MICAL3: variants seen among roughly 807,000 people sequenced by gnomAD.
MICAL3 encodes microtubule associated monooxygenase, calponin and LIM domain containing 3.
MICAL3 carries 62 observed loss-of-function variants against 207.4 expected under a neutral mutation model. That is an observed-to-expected ratio of 0.30 (90% CI 0.24 to 0.37). The LOEUF (loss-of-function observed/expected upper bound fraction) is 0.37. Among genes scored for constraint, MICAL3 ranks in the 10% least tolerant of loss-of-function variants. The pLI is 1.00. For missense variants in MICAL3, 2,368 were observed against 2,635.6 expected (o/e 0.90, Z 2.22); for synonymous variants, 1,077 against 1,069.3 (o/e 1.01, Z -0.14).
chr22:17,894,522 C>T (rs534631417), intron 10 of MICAL3, among the ~76,000 whole-genome samples: 1 of 151,878 alleles, frequency 6.6e-6, no homozygotes, highest in East Asian at 1.9e-4. Flanking sequence ...AAGGTATAAA[C>T]TTCAAGTAGA....
At chr22:17,908,186 A>G (rs1176261167) in intron 1 of MICAL3, among the ~76,000 whole-genome samples, 2 of 152,208 alleles carry the variant, frequency 1.3e-5, no homozygotes, top group Non-Finnish European at 2.9e-5. Flanking sequence ...CACAGGGCTG[A>G]GCCCACACAG....
chr22:17,830,691 G>T (rs1183162917), intron 21 of MICAL3, among the ~76,000 whole-genome samples: 2 of 152,222 alleles, frequency 1.3e-5, no homozygotes. Flanking sequence ...GGCAGACAGG[G>T]TGTGGAGTGC....
intron 1 of MICAL3, among the ~76,000 whole-genome samples, chr22:17,973,841 C>T (rs915407202): frequency 2.0e-5 from 3 of 152,044 alleles, no homozygotes; most frequent in Non-Finnish European, 4.4e-5. Flanking sequence ...GGATCATTTG[C>T]ACCTGGGAGG....
intron 1 of MICAL3, among the ~76,000 whole-genome samples, chr22:17,911,292 G>T: frequency 6.6e-6 from 1 of 151,912 alleles, no homozygotes; most frequent in Non-Finnish European, 1.5e-5. Context: ...GAGGTAGCTG[G>T]ATGTTTGTGG....
chr22:17,925,397 A>C (rs1164057855), intron 1 of MICAL3, among the ~76,000 whole-genome samples: 4 of 152,218 alleles, frequency 2.6e-5, no homozygotes, highest in East Asian at 1.9e-4. Flanking sequence ...TTCAGTGTAC[A>C]ATCAGTGATT....
chr22:17,844,139 C>A lies in MICAL3; in HGVS notation c.2606-2122G>T, dbSNP rs968407709. On this transcript the variant is annotated intron_variant, in intron 19 of 31. Transcript: ENST00000441493. The stretch of plus-strand genomic sequence containing the variant: ...GGGATTACAAGCGGGAGCCACCATG[C>A]CCGGCTGTGTTACCAGACCTTCAAG... Among the ~76,000 whole-genome samples, 4 of 152,310 alleles carry A rather than the reference C, an allele frequency of 2.6e-5. No individual in the cohort carries two copies. The East Asian group carries it at 5.8e-4, about 22-fold the overall frequency.
At chr22:17,917,152 T>C (rs1319611481) in intron 1 of MICAL3, among the ~76,000 whole-genome samples, 1 of 152,212 alleles carries the variant, frequency 6.6e-6, no homozygotes. Flanking sequence ...TAGATTTATC[T>C]ACACAGTATC....
intron 19 of MICAL3, chr22:17,861,215 C>A (rs962295276): frequency 2.3e-5 from 23 of 985,294 alleles, no homozygotes; most frequent in Non-Finnish European, 2.7e-5. Context: ...CCTGGCTACC[C>A]TTCTAGCTGG....
chr22:17,996,040 T>C (rs749462081), intron 1 of MICAL3, among the ~76,000 whole-genome samples: 1 of 150,282 alleles, frequency 6.7e-6, no homozygotes, highest in Non-Finnish European at 1.5e-5. Context: ...TGCACGCCTG[T>C]AGTCTCAACT....
intron 1 of MICAL3, among the ~76,000 whole-genome samples, chr22:17,989,447 AT>A (rs571939400): frequency 6.6e-6 from 1 of 151,884 alleles, no homozygotes; most frequent in Non-Finnish European, 1.5e-5. Context: ...AATACATCTT[AT>A]TTATCTCCCA....
chr22:17,948,912 CAAA>C (rs112234424), intron 1 of MICAL3, among the ~76,000 whole-genome samples: 3 of 106,660 alleles, frequency 2.8e-5, no homozygotes, highest in African/African-American at 4.1e-5. Context: ...GATGCTGCCT[CAAA>C]AAAAAAAAAA....
At chr22:17,920,193 T>G (rs1281947779) in intron 1 of MICAL3, among the ~76,000 whole-genome samples, 1 of 152,190 alleles carries the variant, frequency 6.6e-6, no homozygotes, top group Non-Finnish European at 1.5e-5. Context: ...GGGAGTGGAA[T>G]GGGGGTGGGA....
chr22:17,976,574 TATATATA>T (rs1384801457), intron 1 of MICAL3, among the ~76,000 whole-genome samples: 31 of 95,198 alleles, frequency 3.3e-4, no homozygotes, highest in African/African-American at 1.3e-3. Flanking sequence ...TATATATATA[TATATATA>T]TATATATATT....
intron 30 of MICAL3, 51 bp downstream of exon 30, chr22:17,791,151 T>C (rs2061820255): frequency 3.1e-6 from 5 of 1,606,514 alleles, no homozygotes; most frequent in African/African-American, 1.3e-5. Flanking sequence ...AGGACCTCCA[T>C]GCCGGCTGTG....
chr22:17,948,283 G>A (rs1224442636), intron 1 of MICAL3, among the ~76,000 whole-genome samples: 3 of 152,256 alleles, frequency 2.0e-5, no homozygotes, highest in Non-Finnish European at 2.9e-5. Flanking sequence ...CCACAGTGCC[G>A]CCACAATCTT....
intron 1 of MICAL3, among the ~76,000 whole-genome samples, chr22:17,976,529 A>ATGTGTGTGTG (rs1935636909): frequency 8.8e-6 from 1 of 113,984 alleles, no homozygotes; most frequent in African/African-American, 4.0e-5. Flanking sequence ...ATATATGTGT[A>ATGTGTGTGTG]TATATATGTG....
intron 19 of MICAL3, among the ~76,000 whole-genome samples, chr22:17,847,655 T>C (rs1924779019): frequency 6.6e-6 from 1 of 152,170 alleles, no homozygotes. Context: ...CCCGCAAGAA[T>C]GGCGCTGATT....
chr22:17,845,625 TG>T (rs756539079), intron 19 of MICAL3, among the ~76,000 whole-genome samples: 135 of 151,480 alleles, frequency 8.9e-4, no homozygotes, highest in Admixed American at 1.6e-3. Flanking sequence ...CATTTGCAAA[TG>T]AAGTAACTGA....
intron 1 of MICAL3, among the ~76,000 whole-genome samples, chr22:17,922,972 A>T (rs1422010885): frequency 6.6e-6 from 1 of 152,174 alleles, no homozygotes; most frequent in African/African-American, 2.4e-5. Flanking sequence ...TATGGGACTT[A>T]GGCATGATTC....
Sources: gnomAD v4.1 joint callset for allele counts (sites outside exome capture counted in the v4.1 genomes callset) on GRCh38, gnomAD v4.1.1 for gene constraint, MANE v1.5 for transcripts, NCBI Gene and HGNC (gene_info 2026-07-23, HGNC 2026-07-21) for gene names.